The following ATXN1 variants were observed in gnomAD, a reference collection of about 807,000 sequenced individuals.
The protein encoded by ATXN1 is ataxin 1.
In ATXN1, 8 loss-of-function variants were observed where a neutral mutation model predicts 56.4. That is an observed-to-expected ratio of 0.14 (90% CI 0.08 to 0.26). The LOEUF is 0.26. Among genes scored for constraint, ATXN1 ranks in the 10% least tolerant of loss-of-function variants. The pLI is 1.00. For missense variants in ATXN1, 987 were observed against 1,106.5 expected (o/e 0.89, Z 1.53); for synonymous variants, 514 against 494.6 (o/e 1.04, Z -0.52).
intron 6 of ATXN1, among the ~76,000 whole-genome samples, chr6:16,345,473 A>G (rs969097880): frequency 2.0e-5 from 3 of 152,236 alleles, no homozygotes; most frequent in Non-Finnish European, 4.4e-5. Flanking sequence ...ACCAGCCTAA[A>G]TCAATCGTAG....
intron 2 of ATXN1, among the ~76,000 whole-genome samples, chr6:16,716,938 C>T (rs981438478): frequency 2.0e-5 from 3 of 152,174 alleles, no homozygotes; most frequent in Admixed American, 2.0e-4. Context: ...CTATCCATTC[C>T]AAAGGGACTT....
At chr6:16,489,078 C>T (rs1760606957) in intron 5 of ATXN1, among the ~76,000 whole-genome samples, 1 of 152,184 alleles carries the variant, frequency 6.6e-6, no homozygotes, top group Admixed American at 6.5e-5. Flanking sequence ...ACCCAAGGTC[C>T]TTTTCAGTTC....
In ATXN1 at chr6:16,328,402, A is replaced by G. The variant is rs1320093086; in HGVS notation, c.-92T>C. The G allele has an allele frequency of 2.1e-6, 3 of 1,395,632 alleles. No individual in the cohort carries two copies. Among genetic ancestry groups the G allele is most frequent in the Admixed American group, 3.0e-5 (1 of 33,566 alleles). 86.5% of individuals were successfully genotyped at this position (1,395,632 alleles called of 1,614,324 possible). A position where few individuals can be genotyped will look rare whatever the true frequency, so the allele number is the denominator to read the frequency against. ...ACGGAAAGTCACATTTGATTTCTGT[A>G]GGGGATCCAGGCTCTTCATGAGGAA... On this transcript the variant is annotated 5_prime_UTR_variant, in exon 7 of 8. Transcript: ENST00000436367. The surrounding 1 kb of genome is among the most constrained non-coding windows in gnomAD (Gnocchi z 6.2).
chr6:16,342,400 G>A (rs187827132), intron 6 of ATXN1, among the ~76,000 whole-genome samples: 7 of 151,916 alleles, frequency 4.6e-5, no homozygotes, highest in East Asian at 3.9e-4. Flanking sequence ...ATGGGGAAAC[G>A]AGAACCTATG....
chr6:16,534,134 A>C (rs1410648950), intron 4 of ATXN1, among the ~76,000 whole-genome samples: 1 of 152,160 alleles, frequency 6.6e-6, no homozygotes, highest in African/African-American at 2.4e-5. Flanking sequence ...TGCTGCCAAA[A>C]TAAAGTAGAA....
intron 6 of ATXN1, among the ~76,000 whole-genome samples, chr6:16,347,905 C>A (rs574165573): frequency 1.3e-5 from 2 of 152,336 alleles, no homozygotes; most frequent in South Asian, 4.1e-4. Flanking sequence ...ATAAATCTTG[C>A]TGCTGCTGTT....
intron 6 of ATXN1, among the ~76,000 whole-genome samples, chr6:16,374,812 A>G (rs923280617): frequency 2.0e-5 from 3 of 152,246 alleles, no homozygotes; most frequent in African/African-American, 4.8e-5. Flanking sequence ...GAAGAGAAAT[A>G]CATCTGAGCA....
chr6:16,642,956 G>A (rs1035724273), intron 3 of ATXN1, among the ~76,000 whole-genome samples: 1 of 152,088 alleles, frequency 6.6e-6, no homozygotes, highest in South Asian at 2.1e-4. Context: ...TTACTGCTGT[G>A]GTCTATAAGT....
chr6:16,592,382 T>C (rs936503190), intron 3 of ATXN1, among the ~76,000 whole-genome samples: 1 of 152,162 alleles, frequency 6.6e-6, no homozygotes, highest in Admixed American at 6.5e-5. Context: ...CTGCCTAACA[T>C]ATTACATCAT....
At chr6:16,538,338 T>C (rs190877965) in intron 4 of ATXN1, among the ~76,000 whole-genome samples, 1 of 152,200 alleles carries the variant, frequency 6.6e-6, no homozygotes. Flanking sequence ...CTTAGAGCAG[T>C]ATTATAGGTG....
intron 6 of ATXN1, among the ~76,000 whole-genome samples, chr6:16,372,490 A>T (rs1175815559): frequency 6.6e-6 from 1 of 152,238 alleles, no homozygotes; most frequent in Non-Finnish European, 1.5e-5. Context: ...AGCCCCAACC[A>T]TGCCCATTTG....
chr6:16,594,323 G>A (rs892171253), intron 3 of ATXN1, among the ~76,000 whole-genome samples: 1 of 151,460 alleles, frequency 6.6e-6, no homozygotes, highest in Non-Finnish European at 1.5e-5. Context: ...AAACAATAGT[G>A]CCAAATTGCT....
At chr6:16,459,113 C>T (rs147706512) in intron 6 of ATXN1, among the ~76,000 whole-genome samples, 2,407 of 152,334 alleles carry the variant, frequency 0.016, 75 homozygotes, top group African/African-American at 0.055. Context: ...GCTCTTTTCA[C>T]ATGCTTTTCT....
At chr6:16,603,428 T>C (rs1581876354) in intron 3 of ATXN1, among the ~76,000 whole-genome samples, 2 of 152,066 alleles carry the variant, frequency 1.3e-5, no homozygotes, top group East Asian at 3.9e-4. Context: ...AAAGTTCTCA[T>C]GGGGAGACCT....
rs869034865 is a variant in ATXN1, at chr6:16,656,981, C to CTTT, written c.-489+792_-489+794dup. Among the ~76,000 whole-genome samples the CTTT allele has an allele frequency of 2.0e-3, 246 of 120,410 alleles. 4 individuals carry two copies. The highest frequency in any genetic ancestry group is 7.6e-3 in the African/African-American group (236 of 31,068). 79.0% of individuals were successfully genotyped at this position (120,410 alleles called of 152,430 possible). On this transcript the variant is annotated intron_variant, in intron 3 of 7. Coordinates refer to ENST00000436367, the MANE Select transcript of ATXN1 (RefSeq NM_001128164.2). ...TACAACCAAAATACAGTATTATAATCTTTTTTTTTTTTTTTTTTTTGAGAT... is the reference window on the plus strand; with the variant it reads ...TACAACCAAAATACAGTATTATAATCTTTTTTTTTTTTTTTTTTTTTTTGAGAT...
chr6:16,504,153 CTG>C (rs1760937493), intron 5 of ATXN1, among the ~76,000 whole-genome samples: 1 of 152,136 alleles, frequency 6.6e-6, no homozygotes, highest in African/African-American at 2.4e-5. Flanking sequence ...AATGAAACTC[CTG>C]CCTACTAGCT....
At chr6:16,619,563 T>A (rs1763280813) in intron 3 of ATXN1, among the ~76,000 whole-genome samples, 1 of 152,134 alleles carries the variant, frequency 6.6e-6, no homozygotes, top group Non-Finnish European at 1.5e-5. Flanking sequence ...ATCAGCATGA[T>A]CCCAGTTAAA....
intron 3 of ATXN1, among the ~76,000 whole-genome samples, chr6:16,642,152 C>T (rs1763717072): frequency 6.6e-6 from 1 of 152,178 alleles, no homozygotes; most frequent in South Asian, 2.1e-4. Context: ...CTTTGGGAGG[C>T]CGAGGCAGGG....
intron 6 of ATXN1, among the ~76,000 whole-genome samples, chr6:16,479,209 C>CAA: frequency 6.6e-6 from 1 of 150,778 alleles, no homozygotes; most frequent in South Asian, 2.1e-4. Flanking sequence ...AGCACAAATA[C>CAA]AAAAAAAAAT....
Sources: allele counts gnomAD v4.1 joint callset (sites outside exome capture counted in the v4.1 genomes callset), GRCh38; gene constraint gnomAD v4.1.1; non-coding constraint Gnocchi (gnomAD v3.1); transcripts MANE v1.5; gene names NCBI Gene and HGNC (gene_info 2026-07-23, HGNC 2026-07-21).